Variants in CDH13 observed in about 807,000 individuals in gnomAD.
The protein encoded by CDH13 is cadherin 13, also known as cadherin-13.
CDH13 carries 24 observed loss-of-function variants against 63.8 expected under a neutral mutation model. That is an observed-to-expected ratio of 0.38 (90% CI 0.27 to 0.53). CDH13 has a LOEUF of 0.53. Among genes scored for constraint, CDH13 ranks in the 20% least tolerant of loss-of-function variants. CDH13 has a pLI of 0.85. For missense variants in CDH13, 1,049 were observed against 903.1 expected, an observed-to-expected ratio of 1.16 and a Z score of -2.07; for synonymous variants, 503 against 355.3, an observed-to-expected ratio of 1.42 and a Z score of -4.67.
In CDH13 at chr16:83,090,382, C is replaced by T. The variant is rs188091479; in HGVS notation, c.367-35003C>T. Reference sequence around the variant, plus strand: ...TGAGGTCAGGAGTTGGAGACCAGCCCGACCAATATGGTGAGACCCTGTCTC... The same window carrying T: ...TGAGGTCAGGAGTTGGAGACCAGCCTGACCAATATGGTGAGACCCTGTCTC... On this transcript the variant is annotated intron_variant, in intron 3 of 13. Coordinates refer to ENST00000567109, the MANE Select transcript of CDH13 (RefSeq NM_001257.5). Among the ~76,000 whole-genome samples, 1,004 of 151,870 alleles carry T rather than the reference C, an allele frequency of 6.6e-3. 17 individuals carry two copies. Among genetic ancestry groups the T allele is most frequent in the African/African-American group, 0.021 (889 of 41,412 alleles).
intron 3 of CDH13, among the ~76,000 whole-genome samples, chr16:83,113,963 G>A (rs1443265108): frequency 6.6e-6 from 1 of 151,128 alleles, no homozygotes; most frequent in Non-Finnish European, 1.5e-5. Flanking sequence ...CTTAATGACG[G>A]GGAGAAGAAT....
intron 2 of CDH13, among the ~76,000 whole-genome samples, chr16:82,922,756 A>G (rs1348898028): frequency 6.6e-6 from 1 of 152,132 alleles, no homozygotes; most frequent in African/African-American, 2.4e-5. Flanking sequence ...CATGTGCCCG[A>G]GAGGAAAATA....
intron 2 of CDH13, among the ~76,000 whole-genome samples, chr16:83,003,440 G>A (rs1303305798): frequency 6.6e-6 from 1 of 151,874 alleles, no homozygotes; most frequent in Admixed American, 6.6e-5. Context: ...AATAGGGACA[G>A]TATGGAAAAT....
At chr16:82,916,814 C>T (rs1378261827) in intron 2 of CDH13, among the ~76,000 whole-genome samples, 1 of 152,114 alleles carries the variant, frequency 6.6e-6, no homozygotes, top group African/African-American at 2.4e-5. Flanking sequence ...ATATTCCCTA[C>T]TAGGAGATAG....
chr16:83,578,656 T>C (rs1477435439), intron 7 of CDH13, among the ~76,000 whole-genome samples: 3 of 152,200 alleles, frequency 2.0e-5, no homozygotes, highest in African/African-American at 2.4e-5. Flanking sequence ...TGCCCAGCAG[T>C]GCCCTTGCTG....
At chr16:82,691,948 G>T (rs975258310) in intron 1 of CDH13, among the ~76,000 whole-genome samples, 3 of 152,052 alleles carry the variant, frequency 2.0e-5, no homozygotes, top group Non-Finnish European at 4.4e-5. Context: ...GCATTCAGGA[G>T]ATTCTGATAT....
chr16:83,594,919 C>G (rs749092751), intron 7 of CDH13, among the ~76,000 whole-genome samples: 13 of 152,162 alleles, frequency 8.5e-5, no homozygotes, highest in Non-Finnish European at 1.5e-4. Context: ...ATCAGTGAAC[C>G]TGGCCTGTGT....
intron 5 of CDH13, among the ~76,000 whole-genome samples, chr16:83,299,259 T>C (rs754093041): frequency 1.3e-5 from 2 of 150,946 alleles, no homozygotes; most frequent in Non-Finnish European, 2.9e-5. Flanking sequence ...TTCCCTTATT[T>C]TGGATGCTTG....
At chr16:83,071,049 A>C (rs551505726) in intron 3 of CDH13, among the ~76,000 whole-genome samples, 3 of 152,122 alleles carry the variant, frequency 2.0e-5, no homozygotes, top group Non-Finnish European at 2.9e-5. Flanking sequence ...TTCTGCATTC[A>C]CAACTGAAGG....
chr16:83,425,562 T>A (rs1214795478), intron 6 of CDH13, among the ~76,000 whole-genome samples: 1 of 152,190 alleles, frequency 6.6e-6, no homozygotes, highest in South Asian at 2.1e-4. Flanking sequence ...CTCAAAAATA[T>A]CCTTCTGCTA....
At position 83,444,165 on chromosome 16, in the gene CDH13, G is replaced by T. The variant is rs555936710; in HGVS notation, c.782-42312G>T. 2.5e-4 allele frequency among the ~76,000 whole-genome samples: 38 copies of T among 152,146 alleles called. 2 individuals are homozygous for T. In the South Asian group the frequency reaches 7.5e-3, roughly 30 times the overall value. On this transcript the variant is annotated intron_variant, in intron 6 of 13. Coordinates refer to ENST00000567109, the MANE Select transcript of CDH13 (RefSeq NM_001257.5). ...CTGCTGATGTGACAAAGATGATGAT[G>T]GTGATGGTGATGATGGCAACAGTGA...
chr16:82,912,642 A>G (rs186154732), intron 2 of CDH13, among the ~76,000 whole-genome samples: 22 of 152,294 alleles, frequency 1.4e-4, no homozygotes, highest in Admixed American at 7.2e-4. Context: ...CTGTTATTGC[A>G]TTGAAAGAGA....
intron 1 of CDH13, among the ~76,000 whole-genome samples, chr16:82,756,751 C>T (rs2034626278): frequency 6.6e-6 from 1 of 152,116 alleles, no homozygotes; most frequent in Non-Finnish European, 1.5e-5. Context: ...ATAAGCAGTA[C>T]CTGAGAGCAT....
chr16:82,829,833 T>G (rs761044923), intron 1 of CDH13, among the ~76,000 whole-genome samples: 1 of 152,234 alleles, frequency 6.6e-6, no homozygotes, highest in South Asian at 2.1e-4. Flanking sequence ...ATAATCTGAT[T>G]CTTAAAGATT....
At chr16:83,737,509 CT>C (rs200309667) in intron 10 of CDH13, among the ~76,000 whole-genome samples, 172 of 148,322 alleles carry the variant, frequency 1.2e-3, no homozygotes, top group African/African-American at 3.2e-3. Context: ...TAATAGGGTT[CT>C]TTTTTTTTTG....
At chr16:82,654,368 C>T (rs931874147) in intron 1 of CDH13, among the ~76,000 whole-genome samples, 2 of 152,186 alleles carry the variant, frequency 1.3e-5, no homozygotes, top group African/African-American at 4.8e-5. Flanking sequence ...ATGGTTCTTT[C>T]CCCTTGAGTT....
chr16:83,630,915 T>TC, intron 8 of CDH13, among the ~76,000 whole-genome samples: 1 of 152,292 alleles, frequency 6.6e-6, no homozygotes, highest in South Asian at 2.1e-4. Flanking sequence ...AGCTTAGTAA[T>TC]TGGGGGTCCC....
rs184976099 is a variant in CDH13 at position 83,767,729 on chromosome 16, G to A, written c.1682-12239G>A. Among the ~76,000 whole-genome samples the A allele has an allele frequency of 2.2e-3, 337 of 152,258 alleles. 1 individual carries two copies. Among genetic ancestry groups the A allele is most frequent in the Non-Finnish European group, 1.9e-3 (132 of 68,014 alleles). The stretch of plus-strand genomic sequence containing the variant: ...ACAACCCTCAAAAACATTATGCTAA[G>A]TGAAAGAATCCAGACCCAAAAAACT... On this transcript the variant is annotated intron_variant, in intron 11 of 13. Transcript: ENST00000567109.
At chr16:82,913,831 A>G (rs1349591703) in intron 2 of CDH13, among the ~76,000 whole-genome samples, 4 of 152,042 alleles carry the variant, frequency 2.6e-5, no homozygotes, top group Admixed American at 6.5e-5. Context: ...CCACCTAGCT[A>G]GTGAGGTTTG....
Sources: allele counts gnomAD v4.1 joint callset (sites outside exome capture counted in the v4.1 genomes callset), GRCh38; gene constraint gnomAD v4.1.1; transcripts MANE v1.5; gene names NCBI Gene and HGNC (gene_info 2026-07-23, HGNC 2026-07-21).